The following DOCK2 variants were observed in gnomAD, a reference collection of about 807,000 sequenced individuals.
The protein encoded by DOCK2 is dedicator of cytokinesis protein 2.
A neutral mutation model predicts 248.9 loss-of-function variants in DOCK2; 87 were observed. That is an observed-to-expected ratio of 0.35 (90% CI 0.29 to 0.42). The LOEUF is 0.42. Ranked by LOEUF, DOCK2 falls within the 10% of genes least tolerant of loss-of-function variation. DOCK2 has a pLI of 1.00. For synonymous variants in DOCK2, 805 were observed against 821.6 expected (o/e 0.98, Z 0.35); for missense variants, 1,747 against 2,300.2 (o/e 0.76, Z 4.92).
At chr5:169,731,433 A>T (rs1489740927) in intron 22 of DOCK2, among the ~76,000 whole-genome samples, 3 of 152,168 alleles carry the variant, frequency 2.0e-5, no homozygotes, top group Admixed American at 6.5e-5. Context: ...CCATCCGTGT[A>T]AAACGTGAGT....
intron 27 of DOCK2, among the ~76,000 whole-genome samples, chr5:169,866,730 A>T (rs1002752838): frequency 6.6e-6 from 1 of 150,900 alleles, no homozygotes; most frequent in Admixed American, 6.6e-5. Flanking sequence ...AGACTCACAT[A>T]CTGACTGTCT....
intron 1 of DOCK2, among the ~76,000 whole-genome samples, chr5:169,638,326 G>A (rs373131856): frequency 3.3e-5 from 5 of 152,062 alleles, no homozygotes; most frequent in Admixed American, 6.5e-5. Flanking sequence ...ACTGGGTACC[G>A]GGCACTGTGG....
At chr5:169,641,095 C>T (rs1424196061) in intron 1 of DOCK2, among the ~76,000 whole-genome samples, 2 of 152,218 alleles carry the variant, frequency 1.3e-5, no homozygotes, top group East Asian at 3.9e-4. Flanking sequence ...GTGGTATTCT[C>T]ATTGTGTGCG....
At position 169,972,133 on chromosome 5, in the gene DOCK2, G is replaced by A. The variant is rs1030427140; in HGVS notation, c.2800-10935G>A. On this transcript the variant is annotated intron_variant, in intron 27 of 51. Coordinates refer to ENST00000520908, the MANE Select transcript of DOCK2 (RefSeq NM_004946.3). The stretch of plus-strand genomic sequence containing the variant: ...GTATTTTCTATTATTGATCTAAGAT[G>A]TCCTTTCCCATTCTTAGCTCAATCT... Among the ~76,000 whole-genome samples, 5 of 152,108 alleles carry A rather than the reference G, an allele frequency of 3.3e-5. 1 individual carries two copies. The South Asian group carries it at 1.0e-3, about 31-fold the overall frequency.
chr5:170,017,815 G>A (rs1755586413), intron 32 of DOCK2, among the ~76,000 whole-genome samples: 1 of 152,142 alleles, frequency 6.6e-6, no homozygotes, highest in Non-Finnish European at 1.5e-5. Context: ...TTAACCACTG[G>A]GCAACACTGC....
intron 49 of DOCK2, 181 bp downstream of exon 49, chr5:170,079,327 C>T: frequency 1.3e-6 from 1 of 760,932 alleles, no homozygotes; most frequent in Middle Eastern, 4.1e-4. Flanking sequence ...GCCCAGGCAG[C>T]TGGGGTGGCT....
At chr5:169,656,115 A>G (rs1468945912) in intron 2 of DOCK2, among the ~76,000 whole-genome samples, 3 of 152,150 alleles carry the variant, frequency 2.0e-5, no homozygotes, top group African/African-American at 4.8e-5. Context: ...ATCTTTTACA[A>G]ATCTAGTTCT....
chr5:169,818,795 T>A (rs1768233829), intron 26 of DOCK2, among the ~76,000 whole-genome samples: 1 of 152,130 alleles, frequency 6.6e-6, no homozygotes, highest in Non-Finnish European at 1.5e-5. Flanking sequence ...AATGAGAGAT[T>A]TCAGTTATTT....
intron 22 of DOCK2, among the ~76,000 whole-genome samples, chr5:169,734,678 G>A (rs1173808349): frequency 6.6e-5 from 10 of 152,194 alleles, no homozygotes; most frequent in Non-Finnish European, 1.5e-5. Flanking sequence ...AGATATGTTT[G>A]CGTTTTTCTT....
intron 44 of DOCK2, among the ~76,000 whole-genome samples, chr5:170,062,647 G>A (rs1233018201): frequency 1.3e-5 from 2 of 152,270 alleles, no homozygotes; most frequent in East Asian, 3.9e-4. Flanking sequence ...TTCTTCATGG[G>A]TTGGCTCTTA....
Position 169,794,146 on chromosome 5 carries a change from A to G in DOCK2, c.2555-8912A>G, listed in dbSNP as rs996138661. Among the ~76,000 whole-genome samples the G allele has an allele frequency of 7.9e-5, 12 of 152,108 alleles. No individual in the cohort carries two copies. The South Asian group carries it at 2.5e-3, about 32-fold the overall frequency. On this transcript the variant is annotated intron_variant, in intron 25 of 51. Transcript: ENST00000520908. ...TTTTCCCGGGAACTGGAACCACCGA[A>G]AGCGCAGTCCACCCGCCGGGTCTGA...
intron 44 of DOCK2, among the ~76,000 whole-genome samples, chr5:170,063,381 G>GT (rs1561904586): frequency 1.3e-5 from 2 of 152,206 alleles, no homozygotes; most frequent in East Asian, 3.8e-4. Flanking sequence ...CAGAGAGATG[G>GT]TTTTAAATGG....
chr5:169,701,366 G>A (rs1760957965), intron 13 of DOCK2, among the ~76,000 whole-genome samples: 1 of 152,198 alleles, frequency 6.6e-6, no homozygotes, highest in Admixed American at 6.5e-5. Flanking sequence ...CGTTCACGAT[G>A]GCTCTCACTG....
intron 25 of DOCK2, among the ~76,000 whole-genome samples, chr5:169,787,736 G>A (rs540412070): frequency 4.3e-4 from 60 of 140,438 alleles, no homozygotes; most frequent in African/African-American, 1.5e-3. Context: ...CCTCTTCTGT[G>A]TCTGTCTTCT....
intron 22 of DOCK2, among the ~76,000 whole-genome samples, chr5:169,741,975 A>G (rs941804861): frequency 1.3e-5 from 2 of 151,722 alleles, no homozygotes; most frequent in African/African-American, 2.4e-5. Flanking sequence ...CTGCCCAGCT[A>G]ATTTTTTAAA....
At chr5:169,663,786 C>G (rs1758576596) in intron 2 of DOCK2, among the ~76,000 whole-genome samples, 1 of 152,244 alleles carries the variant, frequency 6.6e-6, no homozygotes, top group African/African-American at 2.4e-5. Context: ...AACCATATTT[C>G]CTTCCTAGGC....
chr5:169,840,300 G>A (rs1412737353), intron 26 of DOCK2, among the ~76,000 whole-genome samples: 2 of 152,160 alleles, frequency 1.3e-5, no homozygotes, highest in Admixed American at 1.3e-4. Flanking sequence ...AGCACCAAGG[G>A]AGATGGTGTT....
At chr5:169,711,906 T>G in intron 15 of DOCK2, 29 bp from the exon 16 acceptor site, 1 of 1,613,054 alleles carries the variant, frequency 6.2e-7, no homozygotes, top group Non-Finnish European at 8.5e-7. Context: ...TAACTCATTG[T>G]GTTCTGAGCT....
chr5:169,923,476 C>T (rs956674933), intron 27 of DOCK2, among the ~76,000 whole-genome samples: 17 of 115,424 alleles, frequency 1.5e-4, no homozygotes, highest in Non-Finnish European at 1.7e-4. Flanking sequence ...CGTGTGCATG[C>T]ACGTGGGCAC....
Sources: allele counts gnomAD v4.1 joint callset (sites outside exome capture counted in the v4.1 genomes callset), GRCh38; gene constraint gnomAD v4.1.1; transcripts MANE v1.5; gene names NCBI Gene and HGNC (gene_info 2026-07-23, HGNC 2026-07-21).